SASH1: variants seen among roughly 807,000 people sequenced by gnomAD.
The protein encoded by SASH1 is SAM and SH3 domain-containing protein 1.
In SASH1, 44 loss-of-function variants were observed where a neutral mutation model predicts 125.2. The ratio of observed to expected loss-of-function variants is 0.35; its 90% CI spans 0.28 to 0.45. SASH1 has a LOEUF of 0.45. Ranked by LOEUF, SASH1 falls within the 20% of genes least tolerant of loss-of-function variation. SASH1 has a pLI of 1.00. For synonymous variants in SASH1, 639 were observed against 649.1 expected (o/e 0.98, Z 0.24); for missense variants, 1,426 against 1,614.5 (o/e 0.88, Z 2.00).
At chr6:148,375,141 C>T (rs1782842444) in intron 1 of SASH1, among the ~76,000 whole-genome samples, 1 of 151,652 alleles carries the variant, frequency 6.6e-6, no homozygotes, top group South Asian at 2.1e-4. Context: ...CAGGCATGCA[C>T]CGCCACACAC....
chr6:148,376,567 A>G (rs1249975872), intron 1 of SASH1, among the ~76,000 whole-genome samples: 1 of 152,150 alleles, frequency 6.6e-6, no homozygotes, highest in Non-Finnish European at 1.5e-5. Context: ...GTTTTCTTAC[A>G]ACACCCGAAC....
In SASH1 at chr6:148,529,813, T is replaced by G. The variant is rs182843775; in HGVS notation, c.1429-1713T>G. Among the ~76,000 whole-genome samples the G allele has an allele frequency of 7.4e-4, 113 of 152,176 alleles. No individual in the cohort carries two copies. The highest frequency in any genetic ancestry group is 2.6e-3 in the African/African-American group (109 of 41,522). On this transcript the variant is annotated intron_variant, in intron 12 of 19. Transcript: ENST00000367467. The surrounding 1 kb of genome is among the most constrained non-coding windows in gnomAD (Gnocchi z 4.2). ...TATGTGGTTGTTTTTTTTTTGTTTT[T>G]GTTTTTGTTTTGAGACGGAGTGTCA... is the stretch of plus-strand genomic sequence containing the variant.
intron 1 of SASH1, among the ~76,000 whole-genome samples, chr6:148,294,997 A>G (rs1482526288): frequency 6.6e-6 from 1 of 152,216 alleles, no homozygotes; most frequent in African/African-American, 2.4e-5. Context: ...AAATAGGCAA[A>G]GAAAAATTAA....
At chr6:148,339,648 G>A (rs559443710), upstream of SASH1, among the ~76,000 whole-genome samples, 32 of 151,936 alleles carry the variant, frequency 2.1e-4, no homozygotes, top group African/African-American at 7.2e-4. Context: ...AGGTTTAAGC[G>A]ATTCTCCTGT....
chr6:148,210,339 C>A, the SASH1 span, among the ~76,000 whole-genome samples: 1 of 152,146 alleles, frequency 6.6e-6, no homozygotes, highest in African/African-American at 2.4e-5. Flanking sequence ...ACCAGCCTGA[C>A]TAACAACATG....
At chr6:148,387,087 C>G (rs1783402070) in intron 1 of SASH1, among the ~76,000 whole-genome samples, 1 of 148,644 alleles carries the variant, frequency 6.7e-6, no homozygotes, top group African/African-American at 2.5e-5. Flanking sequence ...CTGTCTCTCT[C>G]TCTCTCTCTC....
rs1299388116 is a variant in SASH1, at chr6:148,487,659, C to G, written c.673C>G (p.Pro225Ala). 2 of 1,613,732 alleles carry G rather than the reference C, an allele frequency of 1.2e-6. No individual in the cohort carries two copies. The highest frequency in any genetic ancestry group is 1.7e-6 in the Non-Finnish European group (2 of 1,179,914). ...AQHRQSAALDPADWPDGSYPT... is the reference protein window; with the variant it reads ...AQHRQSAALDAADWPDGSYPT... ...GCACCGGCAGTCGGCTGCCCTGGAC[C>G]CTGCTGACTGGCCAGATGGTTCTTA... The change falls in exon 8 of 20, where the codon CCT becomes GCT. Residue 225 changes from proline to alanine, a missense_variant. Transcript: ENST00000367467.
the SASH1 span, among the ~76,000 whole-genome samples, chr6:148,214,279 G>A: frequency 3.9e-5 from 6 of 152,230 alleles, no homozygotes; most frequent in South Asian, 4.1e-4. Context: ...AGGCATGTTC[G>A]TACAAAATGC....
At chr6:148,227,258 C>T in the SASH1 span, among the ~76,000 whole-genome samples, 1 of 152,110 alleles carries the variant, frequency 6.6e-6, no homozygotes, top group South Asian at 2.1e-4. Flanking sequence ...AAGGTAAATT[C>T]CTGGAGAGAA....
chr6:148,374,611 A>G (rs545027188), intron 1 of SASH1, among the ~76,000 whole-genome samples: 1 of 152,250 alleles, frequency 6.6e-6, no homozygotes, highest in East Asian at 1.9e-4. Context: ...GACACAAAGC[A>G]AATAATCTCC....
intron 1 of SASH1, among the ~76,000 whole-genome samples, chr6:148,322,594 C>A (rs1395506276): frequency 6.6e-6 from 1 of 152,144 alleles, no homozygotes; most frequent in Non-Finnish European, 1.5e-5. Context: ...ACCATTGACT[C>A]CAAAATGCAT....
intron 4 of SASH1, among the ~76,000 whole-genome samples, chr6:148,467,088 C>CT (rs71004298): frequency 0.067 from 4,679 of 69,636 alleles, 442 homozygotes; most frequent in African/African-American, 0.18. Context: ...TTCCCTGTTC[C>CT]TTTTTTTTTT....
At chr6:148,546,273 A>C in intron 19 of SASH1, 127 bp downstream of exon 19, 2 of 1,076,022 alleles carry the variant, frequency 1.9e-6, no homozygotes, top group Non-Finnish European at 2.6e-6. Context: ...GCTGGGGAGA[A>C]AGTAATATGT....
rs1012297239 is a variant in SASH1 at position 148,538,888 on chromosome 6, G to C, written c.2096-1555G>C. On this transcript the variant is annotated intron_variant, in intron 16 of 19. Transcript: ENST00000367467. The stretch of plus-strand genomic sequence containing the variant: ...TATTTTGTGTAGAAAATGTTTTCTT[G>C]GTTTCTGTTTTATGTGACCAAGCAC... Among the ~76,000 whole-genome samples, 4 of 152,256 alleles carry C rather than the reference G, an allele frequency of 2.6e-5. No individual in the cohort carries two copies. The East Asian group carries it at 7.7e-4, about 29-fold the overall frequency.
Position 148,326,325 on chromosome 6 carries a change from T to TATATATATATATATGC in SASH1, n.74+53962_74+53963insGCATATATATATATAT, listed in dbSNP as rs1780799236. 3.5e-5 allele frequency among the ~76,000 whole-genome samples: 2 copies of TATATATATATATATGC among 57,236 alleles called. 1 individual carries two copies. The highest frequency in any genetic ancestry group is 6.5e-5 in the Non-Finnish European group (2 of 30,894). The allele number at this position is 57,236 out of a possible 152,430, so 37.5% of individuals were successfully genotyped here. On this transcript the variant is annotated intron_variant and non_coding_transcript_variant, in intron 1 of 3. Transcript: ENST00000367469. ...TTACAGGAGTGAGCCACCGCATGCATATATATATATATATATATATATATA... is the reference window on the plus strand; with the variant it reads ...TTACAGGAGTGAGCCACCGCATGCATATATATATATATATGCATATATATATATATATATATATATA...
intron 4 of SASH1, among the ~76,000 whole-genome samples, chr6:148,445,945 A>G (rs943100721): frequency 6.6e-6 from 1 of 152,062 alleles, no homozygotes; most frequent in South Asian, 2.1e-4. Flanking sequence ...CAAAAATTAC[A>G]TATTTAAAGT....
chr6:148,291,095 G>A (rs1161580747), intron 1 of SASH1, among the ~76,000 whole-genome samples: 1 of 151,466 alleles, frequency 6.6e-6, no homozygotes, highest in African/African-American at 2.4e-5. Flanking sequence ...AACTGCCCCT[G>A]CTCAAGCGAT....
At chr6:148,351,187 A>G (rs1406655331) in intron 1 of SASH1, among the ~76,000 whole-genome samples, 2 of 122,756 alleles carry the variant, frequency 1.6e-5, no homozygotes, top group East Asian at 4.6e-4. Flanking sequence ...TTTCTGCGAT[A>G]GTAGTTTTTT....
Position 148,477,112 on chromosome 6 carries a change from A to G in SASH1, c.627+2890A>G, listed in dbSNP as rs1033807988. On this transcript the variant is annotated intron_variant, in intron 7 of 19. Transcript: ENST00000367467. ...TTTAAGACTCAACTATGAAACTAGT[A>G]AAAGGAAAACATTGAGGAAATTCTC... is the stretch of plus-strand genomic sequence containing the variant. Among the ~76,000 whole-genome samples, 7 of 152,264 alleles carry G rather than the reference A, an allele frequency of 4.6e-5. No individual in the cohort carries two copies. The East Asian group carries it at 1.3e-3, about 29-fold the overall frequency.
Sources: gnomAD v4.1 joint callset for allele counts (sites outside exome capture counted in the v4.1 genomes callset) on GRCh38, gnomAD v4.1.1 for gene constraint, Gnocchi (gnomAD v3.1) non-coding constraint, MANE v1.5 for transcripts, NCBI Gene and HGNC (gene_info 2026-07-23, HGNC 2026-07-21) for gene names.